The following SPATA31D1 variants were observed in gnomAD, a reference collection of about 807,000 sequenced individuals.
SPATA31D1 encodes spermatogenesis-associated protein 31D1.
A neutral mutation model predicts 13.2 loss-of-function variants in SPATA31D1; 6 were observed. The ratio of observed to expected loss-of-function variants is 0.46; its 90% CI spans 0.25 to 0.90. The LOEUF (loss-of-function observed/expected upper bound fraction) is 0.90. Among genes scored for constraint, SPATA31D1 ranks in the 40% least tolerant of loss-of-function variants. The pLI is 0.18. For synonymous variants in SPATA31D1, 903 were observed against 718.8 expected (o/e 1.26, Z -4.10); for missense variants, 2,445 against 1,884.7 (o/e 1.30, Z -5.50).
chr9:81,988,551 A>G (rs1391816850), upstream of SPATA31D1, among the ~76,000 whole-genome samples: 3 of 152,160 alleles, frequency 2.0e-5, no homozygotes, highest in Admixed American at 6.5e-5. Flanking sequence ...GGAACAAACC[A>G]AAAATTCCAC....
In SPATA31D1 at chr9:81,991,987, G is replaced by A. The variant is rs1413786270; in HGVS notation, c.1517G>A (p.Gly506Asp). 3.1e-6 allele frequency: 5 copies of A among 1,613,726 alleles called. No individual in the cohort carries two copies. Among genetic ancestry groups the A allele is most frequent in the Non-Finnish European group, 4.2e-6 (5 of 1,179,708 alleles). The change falls in exon 4 of 4, where the codon GGT (glycine) becomes GAT (aspartate). Residue 506 changes from glycine (G) to aspartate (D), a missense_variant. Transcript: ENST00000344803. ...LEQKYVQLFW[G>D]LPSLHSESLH... ...CAAAAATATGTCCAGCTCTTCTGGGGTCTCCCATCTTTGCACAGCGAGTCT... is the reference window on the plus strand; with the variant it reads ...CAAAAATATGTCCAGCTCTTCTGGGATCTCCCATCTTTGCACAGCGAGTCT...
chr9:81,993,553 G>T lies in SPATA31D1; in HGVS notation c.3083G>T (p.Gly1028Val), dbSNP rs201349685. The T allele has an allele frequency of 1.3e-5, 21 of 1,613,640 alleles. No homozygotes were observed. Among genetic ancestry groups the T allele is most frequent in the Non-Finnish European group, 1.8e-5 (21 of 1,179,854 alleles). The change falls in exon 4 of 4, where the codon GGT becomes GTT. Residue 1028 changes from glycine to valine, a missense_variant. Gly to Val is a moderately radical substitution (Grantham distance 109). Coordinates refer to ENST00000344803, the MANE Select transcript of SPATA31D1 (RefSeq NM_001001670.3). The part of the protein sequence containing the change: ...KDGASTSLRR[G>V]TTDFQSEKLD... The stretch of plus-strand genomic sequence containing the variant: ...GGGGCCTCCACATCCCTTAGAAGAG[G>T]TACTACAGATTTTCAAAGCGAAAAA...
At position 81,991,224 on chromosome 9, in the gene SPATA31D1, C is replaced by T. The variant is rs192256999; in HGVS notation, c.754C>T (p.His252Tyr). 1.2e-6 allele frequency: 2 copies of T among 1,614,036 alleles called. No homozygotes were observed. The highest frequency in any genetic ancestry group is 4.5e-5 in the East Asian group (2 of 44,870). ...TCCCTTTCCCCTTCTCCCACCACAT[C>T]ACATTGAGAGAGTGGAGTCCAGCCT... Reference protein sequence around the residue: ...QLPFPLLPPHHIERVESSLQP... With the variant: ...QLPFPLLPPHYIERVESSLQP... Residue 252 changes from histidine (H) to tyrosine (Y), a missense_variant, in exon 4 of 4, where the codon CAC (histidine) becomes TAC (tyrosine). Physicochemically the swap from His to Tyr is moderately conservative, Grantham distance 83. Coordinates refer to ENST00000344803, the MANE Select transcript of SPATA31D1 (RefSeq NM_001001670.3).
In SPATA31D1 at chr9:81,995,183, AT is replaced by A; in HGVS notation, c.4716del (p.Thr1575GlnfsTer15). 6.5e-7 allele frequency: 1 copy of A among 1,529,342 alleles called. No individual in the cohort carries two copies. Among genetic ancestry groups the A allele is most frequent in the Non-Finnish European group, 8.8e-7 (1 of 1,136,352 alleles). 94.7% of individuals were successfully genotyped at this position (1,529,342 alleles called of 1,614,324 possible). A position where few individuals can be genotyped will look rare whatever the true frequency, so the allele number is the denominator to read the frequency against. Reference sequence around the variant, plus strand: ...TTCCAAAGCATTTACAGGGAGGAAAATTTCCCCCCACAAAATAATTCACTCC... The same window carrying A: ...TTCCAAAGCATTTACAGGGAGGAAAATTCCCCCCACAAAATAATTCACTCC... ...MLPKHLQGGK[F>X]PPTK On this transcript the variant is annotated frameshift_variant, in exon 4 of 4. Coordinates refer to ENST00000344803, the MANE Select transcript of SPATA31D1 (RefSeq NM_001001670.3). LOFTEE classifies it low-confidence loss of function (END_TRUNC).
Position 81,993,702 on chromosome 9 carries a change from A to G in SPATA31D1, c.3232A>G (p.Ser1078Gly), listed in dbSNP as rs1825030903. ...FSDTDNDLTE[S>G]VRTTEDGRQT... ...TGATACTGACAATGATCTTACAGAA[A>G]GTGTCCGGACAACAGAGGATGGCAG... The change falls in exon 4 of 4, where the codon AGT becomes GGT. Residue 1078 changes from serine (S) to glycine (G), a missense_variant. Coordinates refer to ENST00000344803, the MANE Select transcript of SPATA31D1 (RefSeq NM_001001670.3). The G allele has an allele frequency of 6.2e-7, 1 of 1,614,026 alleles. No homozygotes were observed. Among genetic ancestry groups the G allele is most frequent in the Non-Finnish European group, 8.5e-7 (1 of 1,179,894 alleles).
chr9:81,994,333 C>T lies in SPATA31D1; in HGVS notation c.3863C>T (p.Pro1288Leu). ...VLQKCQVTNF[P>L]PAVNRVSPVR... ...CAGAAGTGTCAAGTTACGAATTTCC[C>T]ACCAGCTGTAAACAGAGTGAGTCCT... The change falls in exon 4 of 4, where the codon CCA (proline) becomes CTA (leucine). Residue 1288 changes from proline to leucine, a missense_variant. Pro to Leu is a moderately conservative substitution (Grantham distance 98). Transcript: ENST00000344803. 6.2e-7 allele frequency: 1 copy of T among 1,613,946 alleles called. No homozygotes were observed. Among genetic ancestry groups the T allele is most frequent in the Non-Finnish European group, 8.5e-7 (1 of 1,179,878 alleles).
At position 81,990,970 on chromosome 9, in the gene SPATA31D1, A is replaced by G; in HGVS notation, c.500A>G (p.Glu167Gly). 2 of 1,613,670 alleles carry G rather than the reference A, an allele frequency of 1.2e-6. No individual in the cohort carries two copies. The highest frequency in any genetic ancestry group is 1.7e-6 in the Non-Finnish European group (2 of 1,179,778). The change falls in exon 4 of 4, where the codon GAG becomes GGG. Residue 167 changes from glutamate to glycine, a missense_variant. Physicochemically the swap from Glu to Gly is moderately conservative, Grantham distance 98. Transcript: ENST00000344803. ...TTGGCTTCTTCGGCTTCTGCGACTG[A>G]GTCATCGTTCACTCTGGCTTCCACC... ...SPLASSASAT[E>G]SSFTLASTPS...
In SPATA31D1 at chr9:81,991,140, C is replaced by G. The variant is rs1824950282; in HGVS notation, c.670C>G (p.Gln224Glu). The G allele has an allele frequency of 1.2e-6, 2 of 1,613,834 alleles. No individual in the cohort carries two copies. Among genetic ancestry groups the G allele is most frequent in the East Asian group, 2.2e-5 (1 of 44,860 alleles). Residue 224 changes from glutamine to glutamate, a missense_variant, in exon 4 of 4, where the codon CAG becomes GAG. By Grantham distance (29) the Gln-to-Glu change is conservative. Transcript: ENST00000344803. Reference protein sequence around the residue: ...PSPLRDPLPPQPVSPLDSKFP... With the variant: ...PSPLRDPLPPEPVSPLDSKFP... Reference sequence around the variant, plus strand: ...ACCACTGAGGGACCCTCTGCCACCACAGCCTGTTTCTCCCTTGGATTCCAA... The same window carrying G: ...ACCACTGAGGGACCCTCTGCCACCAGAGCCTGTTTCTCCCTTGGATTCCAA...
Position 81,990,992 on chromosome 9 carries a change from C to T in SPATA31D1, c.522C>T (p.Ser174=). The T allele has an allele frequency of 6.2e-7, 1 of 1,613,754 alleles. No individual in the cohort carries two copies. Among genetic ancestry groups the T allele is most frequent in the Non-Finnish European group, 8.5e-7 (1 of 1,179,732 alleles). Residue 174 remains serine, a synonymous_variant, in exon 4 of 4, where the codon TCC becomes TCT. Coordinates refer to ENST00000344803, the MANE Select transcript of SPATA31D1 (RefSeq NM_001001670.3). ...CTGAGTCATCGTTCACTCTGGCTTC[C>T]ACCCCCTCAGCAACCCCTCCAGAAG... The part of the protein sequence containing the change: ...SATESSFTLA[S]TPSATPPEDL...
Position 81,993,573 on chromosome 9 carries a change from GA to G in SPATA31D1, c.3108del (p.Lys1036AsnfsTer2), listed in dbSNP as rs771305847. The G allele has an allele frequency of 6.2e-7, 1 of 1,613,834 alleles. No individual in the cohort carries two copies. Among genetic ancestry groups the G allele is most frequent in the East Asian group, 2.2e-5 (1 of 44,848 alleles). On this transcript the variant is annotated frameshift_variant, in exon 4 of 4. Coordinates refer to ENST00000344803, the MANE Select transcript of SPATA31D1 (RefSeq NM_001001670.3). LOFTEE classifies it low-confidence loss of function (END_TRUNC). Reference protein sequence around the residue: ...LRRGTTDFQSEKLDSTSSFPI... With the variant: ...LRRGTTDFQSXKLDSTSSFPI... The stretch of plus-strand genomic sequence containing the variant: ...AAGAGGTACTACAGATTTTCAAAGC[GA>G]AAAATTAGATTCAACAAGCTCATTC...
chr9:81,989,704 G>T (rs1187917195), intron 1 of SPATA31D1, 74 bp from the exon 2 acceptor site: 1 of 1,457,626 alleles, frequency 6.9e-7, no homozygotes, highest in Non-Finnish European at 9.6e-7. Flanking sequence ...ATGAATGAAT[G>T]AATGAATGAA....
rs1221906170 is a variant in SPATA31D1, at chr9:81,994,487, C to G, written c.4017C>G (p.Thr1339=). 2 of 1,613,340 alleles carry G rather than the reference C, an allele frequency of 1.2e-6. No individual in the cohort carries two copies. The highest frequency in any genetic ancestry group is 1.7e-6 in the Non-Finnish European group (2 of 1,179,652). The change falls in exon 4 of 4, where the codon ACC becomes ACG. Residue 1339 remains threonine, a synonymous_variant. Coordinates refer to ENST00000344803, the MANE Select transcript of SPATA31D1 (RefSeq NM_001001670.3). ...GEVLGSKSSP[T]LKTQPPPENL... Reference sequence around the variant, plus strand: ...TGCTTGGGAGCAAATCTTCCCCAACCTTGAAAACACAGCCTCCTCCTGAAA... The same window carrying G: ...TGCTTGGGAGCAAATCTTCCCCAACGTTGAAAACACAGCCTCCTCCTGAAA...
rs1366000767 is a variant in SPATA31D1 at position 81,990,843 on chromosome 9, T to C, written c.373T>C (p.Cys125Arg). 2 of 1,613,980 alleles carry C rather than the reference T, an allele frequency of 1.2e-6. No individual in the cohort carries two copies. The highest frequency in any genetic ancestry group is 1.1e-5 in the South Asian group (1 of 91,078). The change falls in exon 4 of 4, where the codon TGC becomes CGC. Residue 125 changes from cysteine (C) to arginine (R), a missense_variant. Transcript: ENST00000344803. ...HDTNHFRRLL[C>R]PDPVCRVCKR... ...TACCAACCACTTTCGTCGACTGTTA[T>C]GCCCAGACCCCGTCTGTCGGGTGTG...
Position 81,991,449 on chromosome 9 carries a change from A to G in SPATA31D1, c.979A>G (p.Met327Val), listed in dbSNP as rs780556657. The G allele has an allele frequency of 8.1e-6, 13 of 1,613,900 alleles. No homozygotes were observed. The part of the protein sequence containing the change: ...SLTILKTFPE[M>V]LSLGGSGGSS... ...CACCATCTTGAAGACTTTTCCGGAA[A>G]TGTTATCTCTAGGTGGCTCTGGTGG... Residue 327 changes from methionine to valine, a missense_variant, in exon 4 of 4, where the codon ATG (methionine) becomes GTG (valine). Coordinates refer to ENST00000344803, the MANE Select transcript of SPATA31D1 (RefSeq NM_001001670.3).
rs775288987 is a variant in SPATA31D1, at chr9:81,994,067, C to T, written c.3597C>T (p.Tyr1199=). The T allele has an allele frequency of 2.5e-6, 4 of 1,613,794 alleles. No individual in the cohort carries two copies. The highest frequency in any genetic ancestry group is 3.4e-6 in the Non-Finnish European group (4 of 1,179,756). ...ISVPQDPKSS[Y]LKNQMLSQLK... The stretch of plus-strand genomic sequence containing the variant: ...TTCCTCAAGATCCTAAATCATCATA[C>T]CTTAAAAATCAGATGTTGAGCCAGT... Residue 1199 remains tyrosine, a synonymous_variant, in exon 4 of 4, where the codon TAC becomes TAT. Coordinates refer to ENST00000344803, the MANE Select transcript of SPATA31D1 (RefSeq NM_001001670.3).
rs185700687 is a variant in SPATA31D1, at chr9:81,991,954, A to T, written c.1484A>T (p.His495Leu). ...QPPHSKCFED[H>L]LEQKYVQLFW... ...CCACACTCTAAATGCTTTGAAGACCATTTAGAGCAAAAATATGTCCAGCTC... is the reference window on the plus strand; with the variant it reads ...CCACACTCTAAATGCTTTGAAGACCTTTTAGAGCAAAAATATGTCCAGCTC... Residue 495 changes from histidine to leucine, a missense_variant, in exon 4 of 4, where the codon CAT becomes CTT. Physicochemically the swap from His to Leu is moderately conservative, Grantham distance 99 (BLOSUM62 -3). Coordinates refer to ENST00000344803, the MANE Select transcript of SPATA31D1 (RefSeq NM_001001670.3). The T allele has an allele frequency of 1.5e-4, 250 of 1,613,812 alleles. No homozygotes were observed. In the African/African-American group the frequency reaches 2.8e-3, roughly 18 times the overall value.
At position 81,992,809 on chromosome 9, in the gene SPATA31D1, T is replaced by C. The variant is rs754380091; in HGVS notation, c.2339T>C (p.Val780Ala). ...TATCAGGGATACAGCCAGGAGACTG[T>C]CCCAAAAGATCACCTGTTGCATGGT... The part of the protein sequence containing the change: ...GNYQGYSQET[V>A]PKDHLLHGPE... Residue 780 changes from valine (V) to alanine (A), a missense_variant, in exon 4 of 4, where the codon GTC (valine) becomes GCC (alanine). Coordinates refer to ENST00000344803, the MANE Select transcript of SPATA31D1 (RefSeq NM_001001670.3). 71 of 1,613,656 alleles carry C rather than the reference T, an allele frequency of 4.4e-5. 2 individuals are homozygous for C. The highest frequency in any genetic ancestry group is 6.7e-5 in the Admixed American group (4 of 59,996).
In SPATA31D1 at chr9:81,992,172, C is replaced by A. The variant is rs1292319042; in HGVS notation, c.1702C>A (p.Pro568Thr). ...ACCACTACCCTTGCCTCAAACCCTG[C>A]CCCAAGGTCAGTCCCCACATCTCAC... ...TQPLPLPQTLPQGQSPHLTQV... is the reference protein window; with the variant it reads ...TQPLPLPQTLTQGQSPHLTQV... The change falls in exon 4 of 4, where the codon CCC (proline) becomes ACC (threonine). Residue 568 changes from proline (P) to threonine (T), a missense_variant. Coordinates refer to ENST00000344803, the MANE Select transcript of SPATA31D1 (RefSeq NM_001001670.3). The A allele has an allele frequency of 1.9e-6, 3 of 1,613,758 alleles. No homozygotes were observed. The highest frequency in any genetic ancestry group is 2.5e-6 in the Non-Finnish European group (3 of 1,179,722).
At position 81,991,516 on chromosome 9, in the gene SPATA31D1, C is replaced by G. The variant is rs1031425866; in HGVS notation, c.1046C>G (p.Ser349Ter). 5 of 1,613,920 alleles carry G rather than the reference C, an allele frequency of 3.1e-6. No individual in the cohort carries two copies. The highest frequency in any genetic ancestry group is 4.2e-6 in the Non-Finnish European group (5 of 1,179,898). Residue 349 changes from serine (S) to a stop codon, truncating the protein, a stop_gained, in exon 4 of 4, where the codon TCA (serine) becomes TGA (stop). Transcript: ENST00000344803. LOFTEE classifies it low-confidence loss of function (END_TRUNC). ...CCAACAATCAAAGGCATTGACCATT[C>G]ACACCTTGCATCTTCAGAATTCACC... is the stretch of plus-strand genomic sequence containing the variant. ...SAPTIKGIDH[S>*]HLASSEFTWW...
Sources: gnomAD v4.1 joint callset for allele counts (sites outside exome capture counted in the v4.1 genomes callset) on GRCh38, gnomAD v4.1.1 for gene constraint, MANE v1.5 for transcripts, NCBI Gene and HGNC (gene_info 2026-07-23, HGNC 2026-07-21) for gene names.